Variants in REEP6 observed in about 807,000 individuals in gnomAD.
The protein encoded by REEP6 is receptor accessory protein 6.
In REEP6, 19 loss-of-function variants were observed where a neutral mutation model predicts 22.4. The ratio of observed to expected loss-of-function variants is 0.85; its 90% confidence interval spans 0.59 to 1.25. REEP6 has a LOEUF of 1.25. Ranked by LOEUF, REEP6 falls within the 50% of genes most tolerant of loss-of-function variation. The pLI, the probability that REEP6 is intolerant of heterozygous loss-of-function variation, is 0.00. For missense variants in REEP6, 273 were observed against 251.9 expected (o/e 1.08, Z -0.57); for synonymous variants, 121 against 113.6 (o/e 1.06, Z -0.41).
Position 1,497,467 on chromosome 19 carries a change from G to A in REEP6, c.*256G>A, listed in dbSNP as rs80104934. 37,815 of 701,070 alleles carry A rather than the reference G, an allele frequency of 0.054. 1,362 individuals are homozygous for A. The highest frequency in any genetic ancestry group is 0.14 in the African/African-American group (7,992 of 56,952). The allele number at this position is 701,070 out of a possible 1,614,324, so 43.4% of individuals were successfully genotyped here. A position where few individuals can be genotyped will look rare whatever the true frequency, so the allele number is the denominator to read the frequency against. On this transcript the variant is annotated 3_prime_UTR_variant, in exon 5 of 5. Transcript: ENST00000233596. This position sits in a 1 kb window ranked among gnomAD's most constrained non-coding sequence, Gnocchi z 6.5. ...GGCTGTGGCTCCCGCCTGTCCGGCAGGGCCCAGGGCCAGCGTCGGGCACAG... is the reference window on the plus strand; with the variant it reads ...GGCTGTGGCTCCCGCCTGTCCGGCAAGGCCCAGGGCCAGCGTCGGGCACAG...
chr19:1,492,111 C>T (rs1329236302), intron 1 of REEP6, among the ~76,000 whole-genome samples: 2 of 152,176 alleles, frequency 1.3e-5, no homozygotes, highest in Non-Finnish European at 2.9e-5. Flanking sequence ...TGCCTCCCTC[C>T]CCACCTTTAA....
Position 1,496,463 on chromosome 19 carries a change from C to T in REEP6, c.517+10C>T, listed in dbSNP as rs762543405. The T allele has an allele frequency of 1.8e-5, 29 of 1,607,574 alleles. No homozygotes were observed. Among genetic ancestry groups the T allele is most frequent in the African/African-American group, 4.0e-5 (3 of 74,850 alleles). Reference sequence around the variant, plus strand: ...GGAATAACCAGGAACGGTGGGTGCTCGCAGGCGCCTGGCTGCCTCAGGCCA... The same window carrying T: ...GGAATAACCAGGAACGGTGGGTGCTTGCAGGCGCCTGGCTGCCTCAGGCCA... On this transcript the variant is annotated intron_variant, in intron 4 of 4. Transcript: ENST00000233596.
Position 1,497,298 on chromosome 19 carries a change from C to T in REEP6, c.*87C>T, listed in dbSNP as rs376919282. 2.6e-4 allele frequency: 309 copies of T among 1,209,366 alleles called. 10 individuals are homozygous for T. In the East Asian group the frequency reaches 4.3e-3, roughly 17 times the overall value. The allele number at this position is 1,209,366 out of a possible 1,614,324, so 74.9% of individuals were successfully genotyped here. A position where few individuals can be genotyped will look rare whatever the true frequency, so the allele number is the denominator to read the frequency against. On this transcript the variant is annotated 3_prime_UTR_variant, in exon 5 of 5. Transcript: ENST00000233596. The surrounding 1 kb of genome is among the most constrained non-coding windows in gnomAD (Gnocchi z 6.5). ...CCAGGCCTCCACAGAGTCTTCAGCG[C>T]ATCCCCCAACAGCAGCCCCTGCCAG...
chr19:1,496,696 G>C (rs2145479460), intron 4 of REEP6: 1 of 696,342 alleles, frequency 1.4e-6, no homozygotes, highest in South Asian at 1.5e-5. Context: ...TGGGGAGATA[G>C]GAGCTGTGTG....
Position 1,497,155 on chromosome 19 carries a change from C to T in REEP6, c.518-19C>T. The stretch of plus-strand genomic sequence containing the variant: ...AGGCCTGCCTCACGGCCCTCCCCCA[C>T]CCGCCCCTCTCTCTGCAGTCAAGCC... On this transcript the variant is annotated intron_variant, in intron 4 of 4. Transcript: ENST00000233596. The surrounding 1 kb of genome is among the most constrained non-coding windows in gnomAD (Gnocchi z 6.5). 7.1e-7 allele frequency: 1 copy of T among 1,402,528 alleles called. No homozygotes were observed. The highest frequency in any genetic ancestry group is 9.4e-7 in the Non-Finnish European group (1 of 1,065,692). The allele number at this position is 1,402,528 out of a possible 1,614,324, so 86.9% of individuals were successfully genotyped here. A position where few individuals can be genotyped will look rare whatever the true frequency, so the allele number is the denominator to read the frequency against.
At chr19:1,496,146 G>A in intron 3 of REEP6, 139 bp from the exon 4 acceptor site, 1 of 1,039,894 alleles carries the variant, frequency 9.6e-7, no homozygotes, top group Non-Finnish European at 1.4e-6. Context: ...GATGGTGGCG[G>A]GCCCACCCTA....
In REEP6 at chr19:1,495,467, A is replaced by G. The variant is rs113514722; in HGVS notation, c.210-2A>G. 2.5e-6 allele frequency: 4 copies of G among 1,613,926 alleles called. No homozygotes were observed. The highest frequency in any genetic ancestry group is 3.4e-6 in the Non-Finnish European group (4 of 1,179,986). ...CCTGACCCTGCTGCACCCTCCCTGC[A>G]GAATCAAAGCTATCGAGAGCCCAAG... On this transcript the variant is annotated splice_acceptor_variant, in intron 2 of 4. Coordinates refer to ENST00000233596, the MANE Select transcript of REEP6 (RefSeq NM_138393.4). LOFTEE classifies it high-confidence loss of function.
chr19:1,495,432 C>T, intron 2 of REEP6, 37 bp from the exon 3 acceptor site: 2 of 1,613,786 alleles, frequency 1.2e-6, no homozygotes, highest in Non-Finnish European at 1.7e-6. Flanking sequence ...CTGGGGGCTC[C>T]CTGGCAGCCC....
At position 1,496,273 on chromosome 19, in the gene REEP6, C is replaced by T. The variant is rs1228403646; in HGVS notation, c.349-12C>T. The T allele has an allele frequency of 3.8e-6, 6 of 1,595,640 alleles. 1 individual carries two copies. The highest frequency in any genetic ancestry group is 4.5e-5 in the East Asian group (2 of 44,446). On this transcript the variant is annotated splice_polypyrimidine_tract_variant and intron_variant, in intron 3 of 4. Coordinates refer to ENST00000233596, the MANE Select transcript of REEP6 (RefSeq NM_138393.4). The stretch of plus-strand genomic sequence containing the variant: ...GGGTGGGCCCGCGTGTAACTCCTGC[C>T]CCGCCCTGCAGTGCGCCTTCCTGTT...
At position 1,491,348 on chromosome 19, in the gene REEP6, G is replaced by A. The variant is rs1173034302; in HGVS notation, c.79G>A (p.Ala27Thr). The A allele has an allele frequency of 6.8e-7, 1 of 1,478,508 alleles. No homozygotes were observed. 91.6% of individuals were successfully genotyped at this position (1,478,508 alleles called of 1,614,324 possible). Residue 27 changes from alanine (A) to threonine (T), a missense_variant, in exon 1 of 5, where the codon GCC (alanine) becomes ACC (threonine). Physicochemically the swap from Ala to Thr is moderately conservative, Grantham distance 58 (BLOSUM62 0). Transcript: ENST00000233596. The surrounding 1 kb of genome is among the most constrained non-coding windows in gnomAD (Gnocchi z 5.4). ...CACCGAAGTGCTGGGGGCGCTGGAG[G>A]CCAAGACCGGGGTGGAGAAGCGGTA... ...LVTEVLGALE[A>T]KTGVEKRYLA...
At chr19:1,495,220 A>C in intron 1 of REEP6, 74 bp from the exon 2 acceptor site, 1 of 1,464,828 alleles carries the variant, frequency 6.8e-7, no homozygotes, top group Non-Finnish European at 9.5e-7. Context: ...TCGTCGACTG[A>C]AAGGCGGCCT....
At chr19:1,495,836 G>A (rs1200252635) in intron 3 of REEP6, 1 of 613,362 alleles carries the variant, frequency 1.6e-6, no homozygotes. Context: ...GATGTCCGAT[G>A]GTGGAGGGCT....
chr19:1,495,248 C>A, intron 1 of REEP6, 46 bp from the exon 2 acceptor site: 3 of 1,587,454 alleles, frequency 1.9e-6, no homozygotes, highest in Non-Finnish European at 2.6e-6. Context: ...GTCGTGGGGG[C>A]TCAGCGGGTC....
At chr19:1,494,196 C>T (rs1163834248) in intron 1 of REEP6, among the ~76,000 whole-genome samples, 5 of 152,236 alleles carry the variant, frequency 3.3e-5, no homozygotes, top group Non-Finnish European at 7.3e-5. Context: ...CATGCAGCCA[C>T]AGCCTCACTC....
rs372605180 is a variant in REEP6 at position 1,491,394 on chromosome 19, C to T, written c.115+10C>T. The T allele has an allele frequency of 5.4e-4, 766 of 1,412,718 alleles. 1 individual carries two copies. The highest frequency in any genetic ancestry group is 1.5e-3 in the South Asian group (100 of 65,440). The allele number at this position is 1,412,718 out of a possible 1,614,324, so 87.5% of individuals were successfully genotyped here. A position where few individuals can be genotyped will look rare whatever the true frequency, so the allele number is the denominator to read the frequency against. On this transcript the variant is annotated intron_variant, in intron 1 of 4. Transcript: ENST00000233596. The surrounding 1 kb of genome is among the most constrained non-coding windows in gnomAD (Gnocchi z 5.4). ...CGGTATCTGGCTGCAGGTGAGCCGT[C>T]GGCGCTAGCCCGTTTCGCCGACGGG... is the stretch of plus-strand genomic sequence containing the variant.
rs2084935737 is a variant in REEP6 at position 1,491,403 on chromosome 19, C to T, written c.115+19C>T. 5.0e-6 allele frequency: 7 copies of T among 1,392,666 alleles called. No individual in the cohort carries two copies. Among genetic ancestry groups the T allele is most frequent in the African/African-American group, 1.5e-5 (1 of 65,664 alleles). 86.3% of individuals were successfully genotyped at this position (1,392,666 alleles called of 1,614,324 possible). A position where few individuals can be genotyped will look rare whatever the true frequency, so the allele number is the denominator to read the frequency against. ...GCTGCAGGTGAGCCGTCGGCGCTAG[C>T]CCGTTTCGCCGACGGGCACACCGAG... On this transcript the variant is annotated intron_variant, in intron 1 of 4. Transcript: ENST00000233596. This position sits in a 1 kb window ranked among gnomAD's most constrained non-coding sequence, Gnocchi z 5.4.
chr19:1,496,141 T>C, intron 3 of REEP6, 144 bp from the exon 4 acceptor site: 1 of 973,930 alleles, frequency 1.0e-6, no homozygotes, highest in Non-Finnish European at 1.5e-6. Context: ...CGTCTGATGG[T>C]GGCGGGCCCA....
chr19:1,491,400 T>C lies in REEP6; in HGVS notation c.115+16T>C. On this transcript the variant is annotated intron_variant, in intron 1 of 4. Coordinates refer to ENST00000233596, the MANE Select transcript of REEP6 (RefSeq NM_138393.4). The surrounding 1 kb of genome is among the most constrained non-coding windows in gnomAD (Gnocchi z 5.4). Reference sequence around the variant, plus strand: ...CTGGCTGCAGGTGAGCCGTCGGCGCTAGCCCGTTTCGCCGACGGGCACACC... The same window carrying C: ...CTGGCTGCAGGTGAGCCGTCGGCGCCAGCCCGTTTCGCCGACGGGCACACC... 2 of 1,401,028 alleles carry C rather than the reference T, an allele frequency of 1.4e-6. No individual in the cohort carries two copies. Among genetic ancestry groups the C allele is most frequent in the African/African-American group, 1.5e-5 (1 of 65,806 alleles). 86.8% of individuals were successfully genotyped at this position (1,401,028 alleles called of 1,614,324 possible). A position where few individuals can be genotyped will look rare whatever the true frequency, so the allele number is the denominator to read the frequency against.
In REEP6 at chr19:1,491,440, G is replaced by C; in HGVS notation, c.115+56G>C. The C allele has an allele frequency of 8.2e-7, 1 of 1,222,772 alleles. No individual in the cohort carries two copies. The highest frequency in any genetic ancestry group is 1.1e-6 in the Non-Finnish European group (1 of 929,578). The allele number at this position is 1,222,772 out of a possible 1,614,324, so 75.7% of individuals were successfully genotyped here. On this transcript the variant is annotated intron_variant, in intron 1 of 4. Coordinates refer to ENST00000233596, the MANE Select transcript of REEP6 (RefSeq NM_138393.4). The surrounding 1 kb of genome is among the most constrained non-coding windows in gnomAD (Gnocchi z 5.4). ...ACGGGCACACCGAGGCCATGGGCCT[G>C]GGGGTCGCAGACCGGACTCCTTCCC... is the stretch of plus-strand genomic sequence containing the variant.
Sources: allele counts gnomAD v4.1 joint callset (sites outside exome capture counted in the v4.1 genomes callset), GRCh38; gene constraint gnomAD v4.1.1; non-coding constraint Gnocchi (gnomAD v3.1); transcripts MANE v1.5; gene names NCBI Gene and HGNC (gene_info 2026-07-23, HGNC 2026-07-21).